CTNNA3: variants seen among roughly 807,000 people sequenced by gnomAD.
The protein encoded by CTNNA3 is catenin alpha 3.
In CTNNA3, 76 loss-of-function variants were observed where a neutral mutation model predicts 95.7. That is an observed-to-expected ratio of 0.79 (90% CI 0.66 to 0.96). CTNNA3 has a LOEUF of 0.96. Among genes scored for constraint, CTNNA3 ranks in the 40% least tolerant of loss-of-function variants. CTNNA3 has a pLI of 0.00. For synonymous variants in CTNNA3, 431 were observed against 374.4 expected, an observed-to-expected ratio of 1.15 and a Z score of -1.74; for missense variants, 1,191 against 1,089.8, an observed-to-expected ratio of 1.09 and a Z score of -1.31.
chr10:66,735,042 A>T (rs1465366660), intron 9 of CTNNA3, among the ~76,000 whole-genome samples: 1 of 151,608 alleles, frequency 6.6e-6, no homozygotes, highest in Non-Finnish European at 1.5e-5. Context: ...TTTTATTGAT[A>T]AAACAATATT....
chr10:66,006,399 C>G (rs76978391), intron 15 of CTNNA3, among the ~76,000 whole-genome samples: 9 of 152,168 alleles, frequency 5.9e-5, no homozygotes, highest in East Asian at 5.8e-4. Flanking sequence ...CCCAACAAAC[C>G]AAAAGACTAA....
intron 9 of CTNNA3, among the ~76,000 whole-genome samples, chr10:66,739,302 A>T (rs1199851241): frequency 6.6e-6 from 1 of 152,158 alleles, no homozygotes; most frequent in East Asian, 1.9e-4. Context: ...ATTTAATAGG[A>T]CTGTGGTGGA....
intron 15 of CTNNA3, among the ~76,000 whole-genome samples, chr10:66,033,801 T>A (rs1446514358): frequency 6.6e-6 from 1 of 152,164 alleles, no homozygotes; most frequent in Non-Finnish European, 1.5e-5. Context: ...TTTCTATACC[T>A]CTACACGTCA....
intron 7 of CTNNA3, among the ~76,000 whole-genome samples, chr10:67,074,507 C>T (rs1363599493): frequency 1.3e-5 from 2 of 151,754 alleles, no homozygotes; most frequent in South Asian, 2.1e-4. Context: ...CCCACCACCA[C>T]GCCCGGCTAA....
At chr10:67,681,793 T>C (rs1334491397) in intron 1 of CTNNA3, among the ~76,000 whole-genome samples, 1 of 151,996 alleles carries the variant, frequency 6.6e-6, no homozygotes, top group Non-Finnish European at 1.5e-5. Flanking sequence ...AAACAACAAA[T>C]TATGGGGAAA....
At chr10:66,811,863 G>C (rs116047339) in intron 7 of CTNNA3, among the ~76,000 whole-genome samples, 1,600 of 152,294 alleles carry the variant, frequency 0.011, 42 homozygotes, top group African/African-American at 0.037. Context: ...TTATATCTCT[G>C]ATAGCAGAGC....
chr10:66,710,508 G>A (rs10997329), intron 9 of CTNNA3, among the ~76,000 whole-genome samples: 4,900 of 151,736 alleles, frequency 0.032, 207 homozygotes, highest in East Asian at 0.22. Context: ...TAGAGTACAC[G>A]AAATTATCTT....
chr10:66,059,897 C>T (rs1478408169), intron 15 of CTNNA3, among the ~76,000 whole-genome samples: 1 of 151,978 alleles, frequency 6.6e-6, no homozygotes, highest in Non-Finnish European at 1.5e-5. Flanking sequence ...CTTAGAGCAG[C>T]TTTACTTTCT....
intron 13 of CTNNA3, among the ~76,000 whole-genome samples, chr10:66,214,763 A>T (rs891513804): frequency 2.6e-5 from 4 of 152,184 alleles, no homozygotes; most frequent in African/African-American, 7.2e-5. Flanking sequence ...TAGCTAGAGG[A>T]ACTGAGCAGC....
chr10:67,163,410 T>A, intron 7 of CTNNA3, among the ~76,000 whole-genome samples: 1 of 151,920 alleles, frequency 6.6e-6, no homozygotes, highest in East Asian at 1.9e-4. Context: ...TCTGACAAAA[T>A]TCAACACCCA....
intron 7 of CTNNA3, among the ~76,000 whole-genome samples, chr10:67,159,039 G>A (rs1029601089): frequency 2.0e-5 from 3 of 152,110 alleles, no homozygotes; most frequent in Non-Finnish European, 4.4e-5. Flanking sequence ...AACCAGGCCT[G>A]GGCCTGCCTG....
chr10:66,584,563 A>C (rs1016204126), intron 10 of CTNNA3, among the ~76,000 whole-genome samples: 7 of 151,928 alleles, frequency 4.6e-5, no homozygotes, highest in African/African-American at 1.7e-4. Context: ...GCTTGAATCT[A>C]TAAGAATCTT....
chr10:67,471,193 C>T (rs1847809127), intron 5 of CTNNA3, among the ~76,000 whole-genome samples: 1 of 152,124 alleles, frequency 6.6e-6, no homozygotes, highest in South Asian at 2.1e-4. Context: ...AAGATGTTCT[C>T]ACATCCCTGG....
intron 11 of CTNNA3, among the ~76,000 whole-genome samples, chr10:66,458,050 T>C (rs902700163): frequency 1.3e-5 from 2 of 152,134 alleles, no homozygotes; most frequent in African/African-American, 4.8e-5. Context: ...CTTGGCCAAA[T>C]AGCCTCTCTA....
chr10:66,420,437 C>T (rs2093181706), intron 11 of CTNNA3, among the ~76,000 whole-genome samples: 1 of 151,966 alleles, frequency 6.6e-6, no homozygotes, highest in Non-Finnish European at 1.5e-5. Context: ...CACATGCTGA[C>T]AAGGATGTGG....
Position 66,363,151 on chromosome 10 carries a change from G to A in CTNNA3, c.1732+16001C>T, listed in dbSNP as rs2092688668. Among the ~76,000 whole-genome samples the A allele has an allele frequency of 3.3e-5, 5 of 152,084 alleles. No homozygotes were observed. The South Asian group carries it at 8.3e-4, about 25-fold the overall frequency. On this transcript the variant is annotated intron_variant, in intron 12 of 17. Transcript: ENST00000433211. Reference sequence around the variant, plus strand: ...CCAAAAAAATCTCCTTTGCTATATCGTGCGCTGCTTATCATTTGAATTGTT... The same window carrying A: ...CCAAAAAAATCTCCTTTGCTATATCATGCGCTGCTTATCATTTGAATTGTT...
chr10:66,894,988 A>G (rs1393770781), intron 7 of CTNNA3, among the ~76,000 whole-genome samples: 1 of 147,878 alleles, frequency 6.8e-6, no homozygotes, highest in Non-Finnish European at 1.5e-5. Flanking sequence ...TTCACAATAA[A>G]TTATATATAT....
chr10:66,934,752 A>G (rs1369710197), intron 7 of CTNNA3, among the ~76,000 whole-genome samples: 1 of 152,196 alleles, frequency 6.6e-6, no homozygotes, highest in African/African-American at 2.4e-5. Context: ...CAAGGGTAAA[A>G]TATAGTTTTT....
intron 7 of CTNNA3, among the ~76,000 whole-genome samples, chr10:66,777,789 A>ACACACATG (rs1554850967): frequency 1.7e-4 from 21 of 126,930 alleles, no homozygotes; most frequent in Admixed American, 6.3e-4. Flanking sequence ...ACACACACAC[A>ACACACATG]CACACACATG....
Sources: gnomAD v4.1 joint callset for allele counts (sites outside exome capture counted in the v4.1 genomes callset) on GRCh38, gnomAD v4.1.1 for gene constraint, MANE v1.5 for transcripts, NCBI Gene and HGNC (gene_info 2026-07-23, HGNC 2026-07-21) for gene names.